Variants in BACE2 observed in about 807,000 individuals in gnomAD.
The protein encoded by BACE2 is beta-secretase 2, also known as 56 kDa aspartic-like protease.
Under a neutral mutation model 46.2 loss-of-function variants are expected in BACE2, and 17 were observed. The ratio of observed to expected loss-of-function variants is 0.37; its 90% CI spans 0.25 to 0.55. The LOEUF (loss-of-function observed/expected upper bound fraction) is 0.55. Among genes scored for constraint, BACE2 ranks in the 20% least tolerant of loss-of-function variants. The pLI is 0.82. For missense variants in BACE2, 595 were observed against 698.1 expected, an observed-to-expected ratio of 0.85 and a Z score of 1.66; for synonymous variants, 277 against 295.9, an observed-to-expected ratio of 0.94 and a Z score of 0.66.
intron 1 of BACE2, chr21:41,179,480 G>A: frequency 7.5e-7 from 1 of 1,337,338 alleles, no homozygotes; most frequent in Non-Finnish European, 9.9e-7. Context: ...AGAGTGAGGT[G>A]TCCAGGGTGA....
intron 1 of BACE2, among the ~76,000 whole-genome samples, chr21:41,192,680 A>G (rs906491470): frequency 2.0e-5 from 3 of 152,212 alleles, no homozygotes; most frequent in Non-Finnish European, 4.4e-5. Context: ...GCACCATTGG[A>G]TCTGCTGGGT....
At chr21:41,174,768 G>A (rs1252786339) in intron 1 of BACE2, among the ~76,000 whole-genome samples, 1 of 152,146 alleles carries the variant, frequency 6.6e-6, no homozygotes, top group Non-Finnish European at 1.5e-5. Flanking sequence ...GACTGACTGT[G>A]AGCCTCTGCC....
chr21:41,226,972 G>A (rs1986837347), intron 2 of BACE2, among the ~76,000 whole-genome samples: 1 of 152,212 alleles, frequency 6.6e-6, no homozygotes, highest in South Asian at 2.1e-4. Flanking sequence ...GCCTGATGGA[G>A]GTCTCTGGAA....
chr21:41,276,419 G>C lies in BACE2; in HGVS notation c.*795G>C, dbSNP rs796239359. On this transcript the variant is annotated 3_prime_UTR_variant, in exon 9 of 9. Coordinates refer to ENST00000330333, the MANE Select transcript of BACE2 (RefSeq NM_012105.5). Reference sequence around the variant, plus strand: ...CTGTGCCTGGATGGGGGTGCAGGCAGCCTTGACCACGGCTGTTCCCCTCAC... The same window carrying C: ...CTGTGCCTGGATGGGGGTGCAGGCACCCTTGACCACGGCTGTTCCCCTCAC... 4 of 152,330 alleles carry C rather than the reference G, an allele frequency of 2.6e-5. No individual in the cohort carries two copies. Among genetic ancestry groups the C allele is most frequent in the African/African-American group, 9.6e-5 (4 of 41,550 alleles). The allele number at this position is 152,330 out of a possible 1,614,324, so 9.4% of individuals were successfully genotyped here.
At chr21:41,191,864 A>G (rs1985582250) in intron 1 of BACE2, among the ~76,000 whole-genome samples, 1 of 152,238 alleles carries the variant, frequency 6.6e-6, no homozygotes, top group Admixed American at 6.5e-5. Flanking sequence ...GAGCACTCAC[A>G]TGGGATACAA....
At chr21:41,247,401 A>G (rs1216235515) in intron 6 of BACE2, among the ~76,000 whole-genome samples, 4 of 152,234 alleles carry the variant, frequency 2.6e-5, no homozygotes. Context: ...CTGCTGAATC[A>G]GAGAAAGTGG....
chr21:41,179,862 G>C, intron 1 of BACE2: 1 of 391,964 alleles, frequency 2.6e-6, no homozygotes, highest in Non-Finnish European at 5.1e-6. Flanking sequence ...AGTGTGGCTA[G>C]TTTACTGGGA....
At chr21:41,223,877 TGA>T (rs1986728482) in intron 1 of BACE2, among the ~76,000 whole-genome samples, 1 of 152,156 alleles carries the variant, frequency 6.6e-6, no homozygotes, top group African/African-American at 2.4e-5. Flanking sequence ...TTTAAAGCCT[TGA>T]GACTCAGTGG....
At chr21:41,232,056 G>A (rs924709371) in intron 2 of BACE2, among the ~76,000 whole-genome samples, 4 of 148,794 alleles carry the variant, frequency 2.7e-5, no homozygotes, top group African/African-American at 1.0e-4. Context: ...CTAGGACTGT[G>A]CTTTCTACAA....
intron 1 of BACE2, among the ~76,000 whole-genome samples, chr21:41,216,449 A>G (rs540579335): frequency 3.4e-4 from 52 of 152,340 alleles, no homozygotes; most frequent in African/African-American, 1.3e-3. Flanking sequence ...CACGGAAGAT[A>G]AGGTTGTGCT....
chr21:41,263,748 C>T (rs1465201882), intron 8 of BACE2, among the ~76,000 whole-genome samples: 2 of 152,112 alleles, frequency 1.3e-5, no homozygotes, highest in Non-Finnish European at 2.9e-5. Context: ...CCTTAGTTAC[C>T]GGTAAGACTG....
At position 41,222,313 on chromosome 21, in the gene BACE2, G is replaced by A. The variant is rs184314641; in HGVS notation, c.313-3953G>A. On this transcript the variant is annotated intron_variant, in intron 1 of 8. Transcript: ENST00000330333. ...TGGGAGGGAAAGGGATGCACAGGCC[G>A]GCAGGAGACTGGGAACAGCAGTTCT... Among the ~76,000 whole-genome samples, 17 of 152,334 alleles carry A rather than the reference G, an allele frequency of 1.1e-4. No homozygotes were observed. In the South Asian group the frequency reaches 2.1e-3, roughly 19 times the overall value.
intron 7 of BACE2, among the ~76,000 whole-genome samples, chr21:41,255,160 G>C (rs1226141687): frequency 1.3e-5 from 2 of 152,236 alleles, no homozygotes; most frequent in Non-Finnish European, 2.9e-5. Context: ...GTCTGATTTG[G>C]GGGGAACAGC....
intron 1 of BACE2, among the ~76,000 whole-genome samples, chr21:41,214,345 T>A (rs566780672): frequency 2.4e-4 from 36 of 152,334 alleles, no homozygotes; most frequent in African/African-American, 8.2e-4. Flanking sequence ...GACGTCCACG[T>A]TCAGGACATG....
At chr21:41,195,455 A>G (rs1329157569) in intron 1 of BACE2, among the ~76,000 whole-genome samples, 1 of 152,226 alleles carries the variant, frequency 6.6e-6, no homozygotes, top group Non-Finnish European at 1.5e-5. Flanking sequence ...CCCAGGGTGA[A>G]CCAGCTGTGC....
At chr21:41,205,432 A>G (rs1193515936) in intron 1 of BACE2, among the ~76,000 whole-genome samples, 2 of 152,226 alleles carry the variant, frequency 1.3e-5, no homozygotes, top group Non-Finnish European at 2.9e-5. Context: ...ATGAAGATTC[A>G]TTTGGCTAAA....
At chr21:41,256,050 G>A (rs1987777853) in intron 7 of BACE2, among the ~76,000 whole-genome samples, 1 of 151,654 alleles carries the variant, frequency 6.6e-6, no homozygotes, top group Admixed American at 6.6e-5. Flanking sequence ...TCGACTAAGA[G>A]TCAGGCAACC....
intron 1 of BACE2, chr21:41,183,397 C>T (rs1985221450): frequency 6.0e-6 from 1 of 166,960 alleles, no homozygotes; most frequent in African/African-American, 2.4e-5. Flanking sequence ...CTAGATGTAA[C>T]ACACATCACA....
intron 8 of BACE2, among the ~76,000 whole-genome samples, chr21:41,262,369 A>G (rs1168416920): frequency 1.3e-5 from 2 of 152,140 alleles, no homozygotes; most frequent in African/African-American, 2.4e-5. Flanking sequence ...GCCTGAGCCT[A>G]CTTCTGAGCA....
Sources: gnomAD v4.1 joint callset for allele counts (sites outside exome capture counted in the v4.1 genomes callset) on GRCh38, gnomAD v4.1.1 for gene constraint, MANE v1.5 for transcripts, NCBI Gene and HGNC (gene_info 2026-07-23, HGNC 2026-07-21) for gene names.